The following SLC24A2 variants were observed in gnomAD, a reference collection of about 807,000 sequenced individuals.
The protein encoded by SLC24A2 is sodium/potassium/calcium exchanger 2.
Under a neutral mutation model 62.0 loss-of-function variants are expected in SLC24A2, and 36 were observed. The observed-to-expected ratio is 0.58, with a 90% CI of 0.44 to 0.77. The LOEUF (loss-of-function observed/expected upper bound fraction) is 0.77. Among genes scored for constraint, SLC24A2 ranks in the 30% least tolerant of loss-of-function variants. SLC24A2 has a pLI of 0.00. For missense variants in SLC24A2, 846 were observed against 817.9 expected, an observed-to-expected ratio of 1.03 and a Z score of -0.42; for synonymous variants, 358 against 294.0, an observed-to-expected ratio of 1.22 and a Z score of -2.23.
the SLC24A2 span, among the ~76,000 whole-genome samples, chr9:20,244,327 C>T: frequency 3.3e-5 from 5 of 152,152 alleles, no homozygotes; most frequent in African/African-American, 1.2e-4. Flanking sequence ...ATAAGATGCT[C>T]ATTTCAGCAT....
the SLC24A2 span, among the ~76,000 whole-genome samples, chr9:20,163,512 C>G: frequency 6.6e-6 from 1 of 152,172 alleles, no homozygotes; most frequent in Non-Finnish European, 1.5e-5. Flanking sequence ...ACATTCCATG[C>G]TCATGGGTAG....
chr9:19,750,306 C>A lies in SLC24A2; in HGVS notation c.930+35631G>T, dbSNP rs1821946316. ...ATTTAAGCATCCTCTGCTTGGATAT[C>A]CTACAGTTCTTAAACTCAACATGCT... is the stretch of plus-strand genomic sequence containing the variant. On this transcript the variant is annotated intron_variant, in intron 2 of 10. Coordinates refer to ENST00000341998, the MANE Select transcript of SLC24A2 (RefSeq NM_020344.4). Among the ~76,000 whole-genome samples, 3 of 151,914 alleles carry A rather than the reference C, an allele frequency of 2.0e-5. No homozygotes were observed. The South Asian group carries it at 6.2e-4, about 32-fold the overall frequency.
chr9:19,642,219 C>G (rs1002206213), intron 2 of SLC24A2, among the ~76,000 whole-genome samples: 12 of 152,196 alleles, frequency 7.9e-5, no homozygotes, highest in Admixed American at 7.2e-4. Context: ...TACGCTTACA[C>G]ACACATTCTC....
intron 2 of SLC24A2, among the ~76,000 whole-genome samples, chr9:19,762,288 G>T (rs1822360095): frequency 6.6e-6 from 1 of 152,048 alleles, no homozygotes; most frequent in African/African-American, 2.4e-5. Flanking sequence ...AGTTTCTTTT[G>T]CTCTGCAGAA....
At chr9:20,274,145 T>G in the SLC24A2 span, among the ~76,000 whole-genome samples, 1 of 152,136 alleles carries the variant, frequency 6.6e-6, no homozygotes, top group Non-Finnish European at 1.5e-5. Context: ...GACACTTATA[T>G]TCTAGTGTGT....
the SLC24A2 span, among the ~76,000 whole-genome samples, chr9:20,104,638 C>T: frequency 6.6e-6 from 1 of 152,092 alleles, no homozygotes; most frequent in Admixed American, 6.6e-5. Context: ...ACTTTACAGA[C>T]AAGCAAATGC....
rs1474595302 is a variant in SLC24A2, at chr9:19,509,859, A to G, written c.*6294T>C. On this transcript the variant is annotated 3_prime_UTR_variant, in exon 11 of 11. Transcript: ENST00000341998. Reference sequence around the variant, plus strand: ...GCAACCCAATATGTAAGAATGCAGAAACAAATTCCCATCCTTTTGGTGAAC... The same window carrying G: ...GCAACCCAATATGTAAGAATGCAGAGACAAATTCCCATCCTTTTGGTGAAC... 6.6e-6 allele frequency: 1 copy of G among 152,274 alleles called. No individual in the cohort carries two copies. Among genetic ancestry groups the G allele is most frequent in the Admixed American group, 6.5e-5 (1 of 15,288 alleles). 9.4% of individuals were successfully genotyped at this position (152,274 alleles called of 1,614,324 possible). A position where few individuals can be genotyped will look rare whatever the true frequency, so the allele number is the denominator to read the frequency against.
chr9:19,994,841 C>T, the SLC24A2 span, among the ~76,000 whole-genome samples: 1 of 152,212 alleles, frequency 6.6e-6, no homozygotes, highest in Non-Finnish European at 1.5e-5. Context: ...GCACACTCTG[C>T]AGAGACATAC....
At chr9:20,291,489 T>C in the SLC24A2 span, among the ~76,000 whole-genome samples, 5 of 152,076 alleles carry the variant, frequency 3.3e-5, no homozygotes, top group Admixed American at 6.5e-5. Flanking sequence ...ACATCTCACA[T>C]CTCCCTCGGG....
At chr9:19,613,853 C>T (rs1817693957) in intron 4 of SLC24A2, among the ~76,000 whole-genome samples, 1 of 152,156 alleles carries the variant, frequency 6.6e-6, no homozygotes, top group African/African-American at 2.4e-5. Context: ...CAAATTCTGG[C>T]TCTGCCATTT....
At chr9:19,966,315 G>A in the SLC24A2 span, among the ~76,000 whole-genome samples, 3 of 152,164 alleles carry the variant, frequency 2.0e-5, no homozygotes, top group Non-Finnish European at 4.4e-5. Flanking sequence ...GGAACTCCGT[G>A]TGTGCATGCC....
chr9:20,101,535 G>T, the SLC24A2 span, among the ~76,000 whole-genome samples: 1 of 152,142 alleles, frequency 6.6e-6, no homozygotes, highest in African/African-American at 2.4e-5. Flanking sequence ...TAGTATGAGA[G>T]AACTTTTGTG....
chr9:19,658,255 A>G (rs146585471), intron 2 of SLC24A2, among the ~76,000 whole-genome samples: 11 of 121,300 alleles, frequency 9.1e-5, no homozygotes, highest in African/African-American at 2.9e-4. Flanking sequence ...TGATATCTCT[A>G]CCCCTCACAT....
At chr9:19,610,166 C>T (rs746548924) in intron 4 of SLC24A2, among the ~76,000 whole-genome samples, 4 of 152,172 alleles carry the variant, frequency 2.6e-5, no homozygotes, top group Non-Finnish European at 5.9e-5. Context: ...AGTAATACAA[C>T]TGTTGTTACA....
chr9:20,025,543 T>C, the SLC24A2 span, among the ~76,000 whole-genome samples: 6 of 152,176 alleles, frequency 3.9e-5, no homozygotes, highest in Non-Finnish European at 7.4e-5. Context: ...ATAATAGTTA[T>C]GACCATAAGA....
At chr9:20,103,453 A>AG in the SLC24A2 span, among the ~76,000 whole-genome samples, 1 of 152,170 alleles carries the variant, frequency 6.6e-6, no homozygotes, top group Non-Finnish European at 1.5e-5. Flanking sequence ...ACCCCCCAGC[A>AG]GGGGCAGACT....
At chr9:20,301,204 AAACATTGG>A in the SLC24A2 span, among the ~76,000 whole-genome samples, 2 of 152,212 alleles carry the variant, frequency 1.3e-5, no homozygotes, top group African/African-American at 4.8e-5. Flanking sequence ...CAGGTGAAAG[AAACATTGG>A]TTAAAAGTCC....
chr9:19,987,792 G>T, the SLC24A2 span, among the ~76,000 whole-genome samples: 2 of 152,082 alleles, frequency 1.3e-5, no homozygotes. Context: ...TTTTCATCCA[G>T]TTATCACGCT....
At chr9:19,820,042 CATATATATATATACACATAT>C in the SLC24A2 span, among the ~76,000 whole-genome samples, 335 of 32,870 alleles carry the variant, frequency 0.01, 3 homozygotes, top group South Asian at 0.036. Flanking sequence ...TATATATATA[CATATATATATATACACATAT>C]ATATATATAT....
Sources: allele counts gnomAD v4.1 joint callset (sites outside exome capture counted in the v4.1 genomes callset), GRCh38; gene constraint gnomAD v4.1.1; transcripts MANE v1.5; gene names NCBI Gene and HGNC (gene_info 2026-07-23, HGNC 2026-07-21).